Variants in GMDS observed in about 807,000 individuals in gnomAD.
GMDS encodes GDP-mannose 4,6 dehydratase.
GMDS carries 20 observed loss-of-function variants against 49.9 expected under a neutral mutation model. That is an observed-to-expected ratio of 0.40 (90% CI 0.28 to 0.58). The LOEUF (loss-of-function observed/expected upper bound fraction) is 0.58. Among genes scored for constraint, GMDS ranks in the 20% least tolerant of loss-of-function variants. The probability of loss-of-function intolerance (pLI) is 0.42; values close to 1 mark genes in which losing one functional copy is unlikely to be tolerated. For synonymous variants in GMDS, 177 were observed against 178.6 expected, an observed-to-expected ratio of 0.99 and a Z score of 0.07; for missense variants, 362 against 481.4, an observed-to-expected ratio of 0.75 and a Z score of 2.32.
rs963348360 is a variant in GMDS at position 1,708,311 on chromosome 6, C to T, written c.987+18105G>A. Among the ~76,000 whole-genome samples, 4 of 152,234 alleles carry T rather than the reference C, an allele frequency of 2.6e-5. No homozygotes were observed. The East Asian group carries it at 7.7e-4, about 29-fold the overall frequency. ...GAGACGTCACTCCTTTGCAAGGCAG[C>T]ATTCCCAGCAGGCAGCGAAGCGTGT... On this transcript the variant is annotated intron_variant, in intron 9 of 10. Transcript: ENST00000380815.
rs771396466 is a variant in GMDS, at chr6:2,191,099, C to G, written c.102+54222G>C. Among the ~76,000 whole-genome samples, 4 of 152,108 alleles carry G rather than the reference C, an allele frequency of 2.6e-5. No individual in the cohort carries two copies. Among genetic ancestry groups the G allele is most frequent in the Non-Finnish European group, 4.4e-5 (3 of 67,968 alleles). On this transcript the variant is annotated intron_variant, in intron 1 of 10. Transcript: ENST00000380815. This position sits in a 1 kb window ranked among gnomAD's most constrained non-coding sequence, Gnocchi z 4.6. ...GACCCAGCCAGTGGTGCGGTCACCA[C>G]GCCCACTGCACCAAGGGTGCCGTGT...
At chr6:2,222,248 G>A (rs891452433) in intron 1 of GMDS, among the ~76,000 whole-genome samples, 2 of 152,152 alleles carry the variant, frequency 1.3e-5, no homozygotes, top group Admixed American at 1.3e-4. Flanking sequence ...GGTTTACTCC[G>A]ATCCTGTCAA....
intron 9 of GMDS, among the ~76,000 whole-genome samples, chr6:1,689,013 A>G (rs1327363781): frequency 6.6e-6 from 1 of 152,216 alleles, no homozygotes; most frequent in Non-Finnish European, 1.5e-5. Flanking sequence ...TGTTCTTGCT[A>G]TGAGGGTTGC....
At chr6:1,922,257 C>T (rs1481054798) in intron 7 of GMDS, among the ~76,000 whole-genome samples, 3 of 152,172 alleles carry the variant, frequency 2.0e-5, no homozygotes, top group Non-Finnish European at 4.4e-5. Flanking sequence ...TTTTCCAGAC[C>T]ACTGTCACTT....
chr6:1,932,611 C>G (rs1345551911), intron 6 of GMDS, among the ~76,000 whole-genome samples: 1 of 149,894 alleles, frequency 6.7e-6, no homozygotes, highest in Non-Finnish European at 1.5e-5. Flanking sequence ...GATCTCGGCT[C>G]ACTGCAAGCT....
chr6:1,768,829 T>C (rs1768464001), intron 7 of GMDS, among the ~76,000 whole-genome samples: 2 of 152,258 alleles, frequency 1.3e-5, no homozygotes, highest in South Asian at 2.1e-4. Context: ...ATATTCATAA[T>C]TTGTAAAAAC....
rs572698277 is a variant in GMDS, at chr6:2,101,776, T to C, written c.345+13995A>G. 2.6e-5 allele frequency among the ~76,000 whole-genome samples: 4 copies of C among 152,184 alleles called. No individual in the cohort carries two copies. In the South Asian group the frequency reaches 8.3e-4, roughly 32 times the overall value. ...CCATTAACACTTCATTGAAAAACAA[T>C]GGCCACATGAGAAAACATACTTCGT... is the stretch of plus-strand genomic sequence containing the variant. On this transcript the variant is annotated intron_variant, in intron 4 of 10. Transcript: ENST00000380815.
intron 1 of GMDS, among the ~76,000 whole-genome samples, chr6:2,193,107 G>A (rs1392612854): frequency 1.3e-5 from 2 of 152,164 alleles, no homozygotes; most frequent in African/African-American, 4.8e-5. Flanking sequence ...CACTGAGTGG[G>A]TGGAAACCAG....
At chr6:1,983,938 C>T (rs1046559951) in intron 4 of GMDS, among the ~76,000 whole-genome samples, 16 of 152,118 alleles carry the variant, frequency 1.1e-4, no homozygotes, top group African/African-American at 3.6e-4. Context: ...CAGTGCAGCA[C>T]TATTCATATT....
intron 7 of GMDS, among the ~76,000 whole-genome samples, chr6:1,828,762 C>T (rs562687585): frequency 6.6e-6 from 1 of 152,138 alleles, no homozygotes; most frequent in Non-Finnish European, 1.5e-5. Context: ...TACCACTATA[C>T]CTCTCCTACA....
At chr6:2,178,929 G>A (rs901606423) in intron 1 of GMDS, among the ~76,000 whole-genome samples, 2 of 152,198 alleles carry the variant, frequency 1.3e-5, no homozygotes, top group African/African-American at 2.4e-5. Context: ...AAATGGAGAT[G>A]TCATTATCAG....
intron 4 of GMDS, among the ~76,000 whole-genome samples, chr6:1,995,669 T>A (rs1278968558): frequency 6.6e-6 from 1 of 152,178 alleles, no homozygotes; most frequent in Non-Finnish European, 1.5e-5. Flanking sequence ...AAGAAGAACC[T>A]TCAACCACAT....
At chr6:1,740,692 T>C (rs1188251835) in intron 8 of GMDS, among the ~76,000 whole-genome samples, 4 of 152,040 alleles carry the variant, frequency 2.6e-5, no homozygotes, top group Non-Finnish European at 4.4e-5. Flanking sequence ...GGCCAATTTT[T>C]TTTTTTGAAA....
intron 1 of GMDS, among the ~76,000 whole-genome samples, chr6:2,169,413 C>T (rs1448130813): frequency 6.6e-6 from 1 of 152,004 alleles, no homozygotes; most frequent in African/African-American, 2.4e-5. Context: ...TCGAGACCAG[C>T]TTGGCCAACA....
intron 7 of GMDS, among the ~76,000 whole-genome samples, chr6:1,756,217 T>G (rs1478138754): frequency 6.6e-6 from 1 of 150,980 alleles, no homozygotes; most frequent in African/African-American, 2.4e-5. Context: ...TGTCTGCTGA[T>G]GCTTAATAAG....
intron 7 of GMDS, among the ~76,000 whole-genome samples, chr6:1,922,828 T>C (rs1317566110): frequency 6.6e-6 from 1 of 152,156 alleles, no homozygotes; most frequent in Non-Finnish European, 1.5e-5. Flanking sequence ...GCCATTTCCG[T>C]TGCTAAATAA....
intron 4 of GMDS, among the ~76,000 whole-genome samples, chr6:1,988,241 T>C (rs1230151583): frequency 1.3e-5 from 2 of 152,154 alleles, no homozygotes; most frequent in Non-Finnish European, 2.9e-5. Flanking sequence ...TATATTTTCA[T>C]GATGGTTTTT....
chr6:2,144,536 C>A (rs1446281436), intron 1 of GMDS, among the ~76,000 whole-genome samples: 1 of 152,122 alleles, frequency 6.6e-6, no homozygotes, highest in African/African-American at 2.4e-5. Flanking sequence ...TGGCACCTAG[C>A]CTTGAATGAT....
rs537261518 is a variant in GMDS at position 1,910,706 on chromosome 6, A to G, written c.771+19397T>C. Reference sequence around the variant, plus strand: ...TTTTGATTCTGGCGTGCAGTCACCAACCTCACCATGAAAAGCCTCAGTCTG... The same window carrying G: ...TTTTGATTCTGGCGTGCAGTCACCAGCCTCACCATGAAAAGCCTCAGTCTG... On this transcript the variant is annotated intron_variant, in intron 7 of 10. Transcript: ENST00000380815. Among the ~76,000 whole-genome samples the G allele has an allele frequency of 1.1e-4, 16 of 152,306 alleles. No individual in the cohort carries two copies. In the East Asian group the frequency reaches 3.1e-3, roughly 29 times the overall value.
Sources: gnomAD v4.1 joint callset for allele counts (sites outside exome capture counted in the v4.1 genomes callset) on GRCh38, gnomAD v4.1.1 for gene constraint, Gnocchi (gnomAD v3.1) non-coding constraint, MANE v1.5 for transcripts, NCBI Gene and HGNC (gene_info 2026-07-23, HGNC 2026-07-21) for gene names.